UGT2B10: variants seen among roughly 807,000 people sequenced by gnomAD.
The protein encoded by UGT2B10 is UDP glucuronosyltransferase family 2 member B10.
A neutral mutation model predicts 43.7 loss-of-function variants in UGT2B10; 51 were observed. The observed-to-expected ratio is 1.17, with a 90% CI of 0.93 to 1.47. UGT2B10 has a LOEUF of 1.47. Among genes scored for constraint, UGT2B10 ranks in the 40% most tolerant of loss-of-function variants. UGT2B10 has a pLI of 0.00. For synonymous variants in UGT2B10, 225 were observed against 209.0 expected, an observed-to-expected ratio of 1.08 and a Z score of -0.66; for missense variants, 696 against 617.7, an observed-to-expected ratio of 1.13 and a Z score of -1.34.
intron 2 of UGT2B10, 22 bp downstream of exon 2, chr4:68,818,199 T>A (rs1737318889): frequency 6.2e-7 from 1 of 1,605,322 alleles, no homozygotes; most frequent in South Asian, 1.1e-5. Context: ...TTCGTTGGTT[T>A]TATTTTGTTG....
At chr4:68,817,318 T>C (rs1404023338) in intron 1 of UGT2B10, among the ~76,000 whole-genome samples, 1 of 151,806 alleles carries the variant, frequency 6.6e-6, no homozygotes, top group African/African-American at 2.4e-5. Context: ...AATCTTTTAT[T>C]TAAAGTCCAA....
At chr4:68,820,709 G>A (rs899137971) in intron 2 of UGT2B10, among the ~76,000 whole-genome samples, 3 of 151,990 alleles carry the variant, frequency 2.0e-5, no homozygotes, top group African/African-American at 7.2e-5. Flanking sequence ...TAAGTGTCGT[G>A]TATGTACATT....
At chr4:68,822,792 T>A (rs1737576009) in intron 3 of UGT2B10, among the ~76,000 whole-genome samples, 1 of 152,184 alleles carries the variant, frequency 6.6e-6, no homozygotes, top group Non-Finnish European at 1.5e-5. Flanking sequence ...GTCTTTAGAA[T>A]GACTTTCAGG....
intron 3 of UGT2B10, among the ~76,000 whole-genome samples, chr4:68,823,668 A>T (rs1405926110): frequency 6.6e-6 from 1 of 152,152 alleles, no homozygotes; most frequent in Non-Finnish European, 1.5e-5. Context: ...CCTGTATGGT[A>T]AGTTTTTAAA....
Position 68,827,334 on chromosome 4 carries a change from C to T in UGT2B10, c.1093C>T (p.Pro365Ser), listed in dbSNP as rs554098413. The part of the protein sequence containing the change: ...WIPQNDLLGH[P>S]KTRAFITHGG... ...TAAAATTCATCCAATCCTAGGTCAT[C>T]CAAAAACCAGAGCTTTTATAACTCA... Residue 365 changes from proline (P) to serine (S), a missense_variant, in exon 5 of 6, where the codon CCA becomes TCA. Transcript: ENST00000265403. 3 of 1,613,192 alleles carry T rather than the reference C, an allele frequency of 1.9e-6. No homozygotes were observed. In the South Asian group the frequency reaches 3.3e-5, roughly 18 times the overall value.
At chr4:68,819,232 T>C (rs1308955191) in intron 2 of UGT2B10, among the ~76,000 whole-genome samples, 2 of 151,988 alleles carry the variant, frequency 1.3e-5, no homozygotes, top group African/African-American at 2.4e-5. Flanking sequence ...TTATTACTAA[T>C]ACTACTAACT....
chr4:68,820,055 C>A (rs1737416298), intron 2 of UGT2B10, among the ~76,000 whole-genome samples: 1 of 151,812 alleles, frequency 6.6e-6, no homozygotes, highest in African/African-American at 2.4e-5. Flanking sequence ...AAAATATATG[C>A]CACTCTACCC....
chr4:68,830,805 T>C lies in UGT2B10; in HGVS notation c.1513T>C (p.Phe505Leu), dbSNP rs748533246. ...GCTGGCTTGTGTGGCAACCGTGCTATTTATCATCACAAAGTGTTGTCTGTT... is the reference window on the plus strand; with the variant it reads ...GCTGGCTTGTGTGGCAACCGTGCTACTTATCATCACAAAGTGTTGTCTGTT... ...FLLACVATVL[F>L]IITKCCLFCF... The change falls in exon 6 of 6, where the codon TTT becomes CTT. Residue 505 changes from phenylalanine (F) to leucine (L), a missense_variant. Physicochemically the swap from Phe to Leu is conservative, Grantham distance 22 (BLOSUM62 0). Coordinates refer to ENST00000265403, the MANE Select transcript of UGT2B10 (RefSeq NM_001075.6). 2.5e-6 allele frequency: 4 copies of C among 1,613,322 alleles called. No homozygotes were observed. The South Asian group carries it at 3.3e-5, about 13-fold the overall frequency.
At chr4:68,827,029 CTT>C (rs1737815549) in intron 4 of UGT2B10, among the ~76,000 whole-genome samples, 1 of 152,036 alleles carries the variant, frequency 6.6e-6, no homozygotes, top group African/African-American at 2.4e-5. Context: ...TAGAATAACA[CTT>C]CATTTCATGC....
rs538806561 is a variant in UGT2B10, at chr4:68,831,546, G to A, written c.*667G>A. On this transcript the variant is annotated 3_prime_UTR_variant, in exon 6 of 6. Transcript: ENST00000265403. ...GTGCTCCCTAATTATATGAAATGTT[G>A]TTTGATTACATAAAATAAAGTGGAA... is the stretch of plus-strand genomic sequence containing the variant. 1.3e-5 allele frequency among the ~76,000 whole-genome samples: 2 copies of A among 152,148 alleles called. No individual in the cohort carries two copies. Among genetic ancestry groups the A allele is most frequent in the Admixed American group, 6.6e-5 (1 of 15,252 alleles).
In UGT2B10 at chr4:68,819,086, C is replaced by T. The variant is rs534562988; in HGVS notation, c.867+909C>T. 1.4e-4 allele frequency among the ~76,000 whole-genome samples: 22 copies of T among 151,876 alleles called. No individual in the cohort carries two copies. The East Asian group carries it at 4.3e-3, about 29-fold the overall frequency. On this transcript the variant is annotated intron_variant, in intron 2 of 5. Transcript: ENST00000265403. ...ACACTGTTGATAGAAATAATTATGC[C>T]TACATTTACAAAAATAGTGCCAACT...
rs1315865201 is a variant in UGT2B10, at chr4:68,816,655, T to C, written c.636T>C (p.Asn212=). Residue 212 remains asparagine, a synonymous_variant, in exon 1 of 6, where the codon AAT becomes AAC. Coordinates refer to ENST00000265403, the MANE Select transcript of UGT2B10 (RefSeq NM_001075.6). ...DQMTFMERVK[N]MLYVLYFDFW... ...TGACTTTCATGGAGAGGGTAAAAAA[T>C]ATGCTCTATGTGCTTTATTTTGACT... 6.2e-7 allele frequency: 1 copy of C among 1,612,572 alleles called. No homozygotes were observed. The highest frequency in any genetic ancestry group is 8.5e-7 in the Non-Finnish European group (1 of 1,179,130).
intron 5 of UGT2B10, among the ~76,000 whole-genome samples, chr4:68,828,860 A>G (rs1215107207): frequency 6.6e-6 from 1 of 152,016 alleles, no homozygotes; most frequent in Admixed American, 6.6e-5. Flanking sequence ...CATAAAGACT[A>G]TATGATCCAG....
At chr4:68,818,236 T>C (rs1285334293) in intron 2 of UGT2B10, 59 bp downstream of exon 2, 3 of 1,589,124 alleles carry the variant, frequency 1.9e-6, no homozygotes, top group Non-Finnish European at 2.6e-6. Context: ...GAAATGACTG[T>C]ATAGTCTTCA....
chr4:68,827,438 T>A lies in UGT2B10; in HGVS notation c.1197T>A (p.Pro399=). 1 of 1,613,620 alleles carries A rather than the reference T, an allele frequency of 6.2e-7. No individual in the cohort carries two copies. Among genetic ancestry groups the A allele is most frequent in the Non-Finnish European group, 8.5e-7 (1 of 1,179,668 alleles). ...MVGIPLFFDQ[P]DNIAHMKAKG... The stretch of plus-strand genomic sequence containing the variant: ...GCATTCCATTGTTTTTTGATCAACC[T>A]GATAATATTGCTCACATGAAGGCCA... Residue 399 remains proline, a synonymous_variant, in exon 5 of 6, where the codon CCT becomes CCA. Transcript: ENST00000265403.
intron 3 of UGT2B10, among the ~76,000 whole-genome samples, chr4:68,823,415 GA>G (rs1737612171): frequency 6.6e-6 from 1 of 152,094 alleles, no homozygotes; most frequent in Non-Finnish European, 1.5e-5. Flanking sequence ...ACTGAGGCAG[GA>G]GAATCCCTTG....
chr4:68,830,503 T>C, intron 5 of UGT2B10, 97 bp from the exon 6 acceptor site: 7 of 1,346,830 alleles, frequency 5.2e-6, no homozygotes, highest in Non-Finnish European at 6.9e-6. Flanking sequence ...GACATTTACT[T>C]TGAATTATTT....
rs753660054 is a variant in UGT2B10, at chr4:68,816,687, T to G, written c.668T>G (p.Phe223Cys). The change falls in exon 1 of 6, where the codon TTC becomes TGC. Residue 223 changes from phenylalanine (F) to cysteine (C), a missense_variant. Physicochemically the swap from Phe to Cys is radical, Grantham distance 205. Coordinates refer to ENST00000265403, the MANE Select transcript of UGT2B10 (RefSeq NM_001075.6). ...TATGTGCTTTATTTTGACTTTTGGTTCCAAATATTTAATATGAAGAAGTGG... is the reference window on the plus strand; with the variant it reads ...TATGTGCTTTATTTTGACTTTTGGTGCCAAATATTTAATATGAAGAAGTGG... ...MLYVLYFDFW[F>C]QIFNMKKWDQ... 1 of 1,611,214 alleles carries G rather than the reference T, an allele frequency of 6.2e-7. No homozygotes were observed. The highest frequency in any genetic ancestry group is 8.5e-7 in the Non-Finnish European group (1 of 1,178,706).
chr4:68,831,261 T>A lies in UGT2B10; in HGVS notation c.*382T>A, dbSNP rs1032279472. ...GGTGCATGTCACCATGTCCAACTAATTTTTTATTTTTTGTAGTGATGAGAT... is the reference window on the plus strand; with the variant it reads ...GGTGCATGTCACCATGTCCAACTAAATTTTTATTTTTTGTAGTGATGAGAT... On this transcript the variant is annotated 3_prime_UTR_variant, in exon 6 of 6. Coordinates refer to ENST00000265403, the MANE Select transcript of UGT2B10 (RefSeq NM_001075.6). 1 of 181,398 alleles carries A rather than the reference T, an allele frequency of 5.5e-6. No homozygotes were observed. Among genetic ancestry groups the A allele is most frequent in the Non-Finnish European group, 1.2e-5 (1 of 86,956 alleles). The allele number at this position is 181,398 out of a possible 1,614,324, so 11.2% of individuals were successfully genotyped here.
Sources: allele counts gnomAD v4.1 joint callset (sites outside exome capture counted in the v4.1 genomes callset), GRCh38; gene constraint gnomAD v4.1.1; transcripts MANE v1.5; gene names NCBI Gene and HGNC (gene_info 2026-07-23, HGNC 2026-07-21).